PLPPR5: variants seen among roughly 807,000 people sequenced by gnomAD.
The protein encoded by PLPPR5 is phospholipid phosphatase related 5, also known as phospholipid phosphatase-related protein type 5.
Under a neutral mutation model 33.9 loss-of-function variants are expected in PLPPR5, and 16 were observed. The observed-to-expected ratio is 0.47, with a 90% CI of 0.32 to 0.72. PLPPR5 has a LOEUF of 0.72. Among genes scored for constraint, PLPPR5 ranks in the 30% least tolerant of loss-of-function variants. PLPPR5 has a pLI of 0.03. For missense variants in PLPPR5, 301 were observed against 406.7 expected, an observed-to-expected ratio of 0.74 and a Z score of 2.23; for synonymous variants, 163 against 150.3, an observed-to-expected ratio of 1.08 and a Z score of -0.62.
At chr1:98,989,669 A>G (rs1213912663) in intron 1 of PLPPR5, among the ~76,000 whole-genome samples, 2 of 152,194 alleles carry the variant, frequency 1.3e-5, no homozygotes, top group Non-Finnish European at 2.9e-5. Flanking sequence ...TAAGTTATTT[A>G]TCTGCCCTTC....
chr1:98,918,333 G>C (rs1649432578), intron 4 of PLPPR5, among the ~76,000 whole-genome samples: 1 of 152,116 alleles, frequency 6.6e-6, no homozygotes, highest in South Asian at 2.1e-4. Context: ...TGTTCTGAGG[G>C]TTAATTGCAT....
chr1:98,976,092 T>TAAAAAAAAAAAAAAAAAAAAAAAAAAA (rs34637022), intron 1 of PLPPR5, among the ~76,000 whole-genome samples: 1 of 74,706 alleles, frequency 1.3e-5, no homozygotes, highest in Non-Finnish European at 2.7e-5. Flanking sequence ...TACTAAAAAG[T>TAAAAAAAAAAAAAAAAAAAAAAAAAAA]AAAAAAAAAA....
intron 3 of PLPPR5, among the ~76,000 whole-genome samples, chr1:98,952,264 G>GA (rs34394491): frequency 2.5e-4 from 18 of 70,604 alleles, no homozygotes; most frequent in Admixed American, 4.6e-4. Flanking sequence ...CTCCGTCTCA[G>GA]AAAAAAAAAA....
chr1:98,914,342 G>A (rs1649260981), intron 5 of PLPPR5, among the ~76,000 whole-genome samples: 1 of 152,152 alleles, frequency 6.6e-6, no homozygotes. Context: ...CTGGACTGCA[G>A]TGGCATGATC....
chr1:98,929,116 A>G (rs148434093), intron 3 of PLPPR5, among the ~76,000 whole-genome samples: 1 of 152,164 alleles, frequency 6.6e-6, no homozygotes, highest in Non-Finnish European at 1.5e-5. Flanking sequence ...GTCTACCACC[A>G]ATTAGCTCTG....
rs546056282 is a variant in PLPPR5, at chr1:98,939,931, C to T, written c.621+13139G>A. ...ATTTATCGTAGAGAACGCTAATGGA[C>T]ACACAAAAAGGTGAATATAATTTTG... On this transcript the variant is annotated intron_variant, in intron 3 of 5. Transcript: ENST00000263177. Among the ~76,000 whole-genome samples, 124 of 151,954 alleles carry T rather than the reference C, an allele frequency of 8.2e-4. 6 individuals carry two copies. In the South Asian group the frequency reaches 0.024, roughly 30 times the overall value.
At chr1:98,988,061 G>C (rs1652320365) in intron 1 of PLPPR5, among the ~76,000 whole-genome samples, 1 of 152,056 alleles carries the variant, frequency 6.6e-6, no homozygotes, top group South Asian at 2.1e-4. Context: ...TAACAGTATA[G>C]AGTCAGAAAT....
In PLPPR5 at chr1:98,978,027, G is replaced by C. The variant is rs554687111; in HGVS notation, c.238-21286C>G. On this transcript the variant is annotated intron_variant, in intron 1 of 5. Transcript: ENST00000263177. ...ATCATGAATGTGACTTTAGATAAAA[G>C]TCGTAAAATCTTTTACTTGCTCCAA... Among the ~76,000 whole-genome samples, 260 of 152,068 alleles carry C rather than the reference G, an allele frequency of 1.7e-3. 2 individuals are homozygous for C. Among genetic ancestry groups the C allele is most frequent in the African/African-American group, 5.9e-3 (247 of 41,538 alleles).
rs888083080 is a variant in PLPPR5 at position 98,930,391 on chromosome 1, A to G, written c.622-8333T>C. On this transcript the variant is annotated intron_variant, in intron 3 of 5. Transcript: ENST00000263177. ...ATAATTAATGATAATGTGATAATCT[A>G]TATGTCTGATCTTTGTATGATCTAC... Among the ~76,000 whole-genome samples, 3 of 152,186 alleles carry G rather than the reference A, an allele frequency of 2.0e-5. 1 individual carries two copies. Among genetic ancestry groups the G allele is most frequent in the South Asian group, 4.1e-4 (2 of 4,830 alleles).
intron 3 of PLPPR5, among the ~76,000 whole-genome samples, chr1:98,924,597 G>GA (rs752276852): frequency 6.6e-6 from 1 of 152,264 alleles, no homozygotes; most frequent in Non-Finnish European, 1.5e-5. Context: ...TACGGCTTCA[G>GA]AAAAAATTTG....
Position 98,915,382 on chromosome 1 carries a change from G to A in PLPPR5, c.799-462C>T, listed in dbSNP as rs144801578. ...TCTACAATTGGTACTCTCTAACTTAGCAGCATCCCTTAATTAACCTAGCTT... is the reference window on the plus strand; with the variant it reads ...TCTACAATTGGTACTCTCTAACTTAACAGCATCCCTTAATTAACCTAGCTT... On this transcript the variant is annotated intron_variant, in intron 4 of 5. Coordinates refer to ENST00000263177, the MANE Select transcript of PLPPR5 (RefSeq NM_001037317.2). Among the ~76,000 whole-genome samples, 1,317 of 151,976 alleles carry A rather than the reference G, an allele frequency of 8.7e-3. 60 individuals are homozygous for A. Among genetic ancestry groups the A allele is most frequent in the Admixed American group, 0.077 (1,178 of 15,258 alleles).
intron 1 of PLPPR5, among the ~76,000 whole-genome samples, chr1:98,982,073 A>G (rs1652080260): frequency 6.6e-6 from 1 of 152,094 alleles, no homozygotes; most frequent in African/African-American, 2.4e-5. Flanking sequence ...CTCTATGATT[A>G]CTGATGAAAA....
intron 3 of PLPPR5, among the ~76,000 whole-genome samples, chr1:98,942,254 A>G (rs764310787): frequency 2.0e-5 from 3 of 152,078 alleles, no homozygotes; most frequent in South Asian, 2.1e-4. Flanking sequence ...TTGTATTTTT[A>G]GTAGAGATGG....
intron 1 of PLPPR5, among the ~76,000 whole-genome samples, chr1:98,988,224 T>A (rs1478074447): frequency 6.6e-6 from 1 of 152,136 alleles, no homozygotes. Context: ...AAATTCTTTG[T>A]CAAAAGTTGC....
chr1:98,892,816 C>A lies in PLPPR5; in HGVS notation c.*256G>T. 5.6e-6 allele frequency: 2 copies of A among 355,504 alleles called. No individual in the cohort carries two copies. Among genetic ancestry groups the A allele is most frequent in the Non-Finnish European group, 1.0e-5 (2 of 199,006 alleles). 22.0% of individuals were successfully genotyped at this position (355,504 alleles called of 1,614,324 possible). A position where few individuals can be genotyped will look rare whatever the true frequency, so the allele number is the denominator to read the frequency against. ...TTAAGAATTTTGTTCATTTGGTCATCACATTTTTGTTGAACACCTACTTTG... is the reference window on the plus strand; with the variant it reads ...TTAAGAATTTTGTTCATTTGGTCATAACATTTTTGTTGAACACCTACTTTG... On this transcript the variant is annotated 3_prime_UTR_variant, in exon 6 of 6. Transcript: ENST00000263177.
At chr1:98,928,352 C>T (rs1369605199) in intron 3 of PLPPR5, among the ~76,000 whole-genome samples, 2 of 151,650 alleles carry the variant, frequency 1.3e-5, no homozygotes, top group East Asian at 1.9e-4. Flanking sequence ...AGTGTCTGAA[C>T]TGAAATGTAT....
At chr1:98,946,588 A>T (rs1413764137) in intron 3 of PLPPR5, among the ~76,000 whole-genome samples, 3 of 152,032 alleles carry the variant, frequency 2.0e-5, no homozygotes, top group African/African-American at 7.3e-5. Flanking sequence ...TGTTCAAATC[A>T]TGTCCATCTC....
At chr1:98,973,530 G>T (rs1355616488) in intron 1 of PLPPR5, among the ~76,000 whole-genome samples, 1 of 151,928 alleles carries the variant, frequency 6.6e-6, no homozygotes, top group Non-Finnish European at 1.5e-5. Context: ...AGCAACAAGT[G>T]GAAGAGCTTT....
Position 98,974,636 on chromosome 1 carries a change from C to G in PLPPR5, c.238-17895G>C, listed in dbSNP as rs1298068715. 2.6e-5 allele frequency among the ~76,000 whole-genome samples: 4 copies of G among 152,094 alleles called. No individual in the cohort carries two copies. In the East Asian group the frequency reaches 7.8e-4, roughly 29 times the overall value. ...TTTTCCCTTGCTCCCTAAACTCTCT[C>G]TGATCTCTGAAAACTCTGAACTGAG... On this transcript the variant is annotated intron_variant, in intron 1 of 5. Coordinates refer to ENST00000263177, the MANE Select transcript of PLPPR5 (RefSeq NM_001037317.2).
Sources: allele counts gnomAD v4.1 joint callset (sites outside exome capture counted in the v4.1 genomes callset), GRCh38; gene constraint gnomAD v4.1.1; transcripts MANE v1.5; gene names NCBI Gene and HGNC (gene_info 2026-07-23, HGNC 2026-07-21).